Variants in NCAM2 observed in about 807,000 individuals in gnomAD.
NCAM2 encodes the protein neural cell adhesion molecule 2, also known as N-CAM-2.
NCAM2 carries 30 observed loss-of-function variants against 98.1 expected under a neutral mutation model. The ratio of observed to expected loss-of-function variants is 0.31; its 90% CI spans 0.23 to 0.41. NCAM2 has a LOEUF of 0.41. Among genes scored for constraint, NCAM2 ranks in the 10% least tolerant of loss-of-function variants. The pLI is 1.00. For missense variants in NCAM2, 867 were observed against 1,005.8 expected, an observed-to-expected ratio of 0.86 and a Z score of 1.87; for synonymous variants, 368 against 342.4, an observed-to-expected ratio of 1.07 and a Z score of -0.83.
rs2077365179 is a variant in NCAM2 at position 21,432,300 on chromosome 21, A to C, written c.1654+19A>C. ...GTTCAAAGTGAGTCAACAATTTCAA[A>C]ATGTGTTGGTTAATTCAAGCTGATC... On this transcript the variant is annotated intron_variant, in intron 12 of 17. Coordinates refer to ENST00000400546, the MANE Select transcript of NCAM2 (RefSeq NM_004540.5). 1.2e-6 allele frequency: 2 copies of C among 1,609,450 alleles called. No homozygotes were observed. The highest frequency in any genetic ancestry group is 1.7e-6 in the Non-Finnish European group (2 of 1,176,714).
chr21:21,115,274 C>T (rs1467445936), intron 1 of NCAM2, among the ~76,000 whole-genome samples: 2 of 152,118 alleles, frequency 1.3e-5, no homozygotes, highest in African/African-American at 2.4e-5. Flanking sequence ...TTTATCCAGC[C>T]TCTCCTTGTG....
intron 1 of NCAM2, among the ~76,000 whole-genome samples, chr21:21,081,598 C>T (rs187389777): frequency 2.6e-3 from 389 of 151,846 alleles, no homozygotes; most frequent in African/African-American, 9.0e-3. Context: ...GTCCGGAATT[C>T]GAGACCAGCC....
intron 12 of NCAM2, among the ~76,000 whole-genome samples, chr21:21,455,262 A>G (rs1282876818): frequency 1.3e-5 from 2 of 151,274 alleles, no homozygotes; most frequent in Admixed American, 6.6e-5. Flanking sequence ...ATGACTCAAT[A>G]CAGCCAGGAT....
chr21:21,051,469 T>G (rs2146295654), intron 1 of NCAM2, among the ~76,000 whole-genome samples: 1 of 152,348 alleles, frequency 6.6e-6, no homozygotes, highest in South Asian at 2.1e-4. Context: ...TAGTGGATGC[T>G]TAATTAAATG....
intron 1 of NCAM2, among the ~76,000 whole-genome samples, chr21:21,132,446 G>C (rs530020396): frequency 6.6e-6 from 1 of 151,264 alleles, no homozygotes; most frequent in South Asian, 2.1e-4. Context: ...GATTATAAAG[G>C]GAATACTTTG....
At chr21:21,115,009 C>T (rs1424915507) in intron 1 of NCAM2, among the ~76,000 whole-genome samples, 7 of 151,830 alleles carry the variant, frequency 4.6e-5, no homozygotes, top group African/African-American at 7.3e-5. Context: ...TTAGTAGAGA[C>T]GGGGTTTCAC....
chr21:21,239,449 A>C (rs2070979441), intron 1 of NCAM2: 1 of 152,182 alleles, frequency 6.6e-6, no homozygotes, highest in East Asian at 1.9e-4. Context: ...CATAAAAATT[A>C]TCTCCCTTTA....
chr21:21,432,398 G>A, intron 12 of NCAM2, 117 bp downstream of exon 12: 1 of 919,498 alleles, frequency 1.1e-6, no homozygotes, highest in South Asian at 1.8e-5. Flanking sequence ...AATGGTGTTG[G>A]GAAGATATTT....
At chr21:21,248,294 T>A (rs2071352966) in intron 1 of NCAM2, among the ~76,000 whole-genome samples, 1 of 152,154 alleles carries the variant, frequency 6.6e-6, no homozygotes, top group South Asian at 2.1e-4. Flanking sequence ...TCCAATCTAC[T>A]TTTCTTTCTA....
intron 1 of NCAM2, among the ~76,000 whole-genome samples, chr21:21,266,807 A>G (rs576636915): frequency 2.0e-5 from 3 of 152,284 alleles, no homozygotes; most frequent in East Asian, 3.9e-4. Flanking sequence ...CCAACATGGC[A>G]CATGTATACA....
At chr21:21,423,681 A>G (rs552366287) in intron 11 of NCAM2, among the ~76,000 whole-genome samples, 1 of 152,110 alleles carries the variant, frequency 6.6e-6, no homozygotes, top group East Asian at 1.9e-4. Context: ...ATTTTTTTTA[A>G]CCTCAGTTCA....
intron 1 of NCAM2, among the ~76,000 whole-genome samples, chr21:21,269,971 C>T (rs1172449534): frequency 3.3e-5 from 5 of 152,140 alleles, no homozygotes. Context: ...GGTTTCTACA[C>T]AAGGTTTATG....
intron 15 of NCAM2, among the ~76,000 whole-genome samples, chr21:21,483,322 GCATACATAATA>G (rs1248341653): frequency 6.6e-6 from 1 of 151,746 alleles, no homozygotes; most frequent in Non-Finnish European, 1.5e-5. Flanking sequence ...AACATGTAAT[GCATACATAATA>G]CATACAAAAT....
At chr21:21,501,567 T>C (rs955502156) in intron 15 of NCAM2, among the ~76,000 whole-genome samples, 5 of 151,886 alleles carry the variant, frequency 3.3e-5, no homozygotes, top group African/African-American at 1.2e-4. Context: ...TCTGCACTAT[T>C]TTATTAGACA....
At chr21:21,260,239 A>C (rs1264930443) in intron 1 of NCAM2, among the ~76,000 whole-genome samples, 1 of 152,030 alleles carries the variant, frequency 6.6e-6, no homozygotes, top group African/African-American at 2.4e-5. Context: ...CATTCCTGAG[A>C]TAGAAGAAAA....
intron 1 of NCAM2, among the ~76,000 whole-genome samples, chr21:21,093,585 G>A (rs1228663892): frequency 6.6e-6 from 1 of 151,980 alleles, no homozygotes; most frequent in Non-Finnish European, 1.5e-5. Context: ...CACAGGGTAA[G>A]CCACCATGCT....
chr21:21,354,688 A>C (rs2075424615), intron 8 of NCAM2, among the ~76,000 whole-genome samples: 1 of 152,198 alleles, frequency 6.6e-6, no homozygotes, highest in African/African-American at 2.4e-5. Context: ...AAGATGTTGT[A>C]ATTAGGATAG....
rs537616433 is a variant in NCAM2 at position 21,288,893 on chromosome 21, G to A, written c.481+2481G>A. ...CTATGCTTTTGATTGTAGCTGCGTGGCAGATATTCAGAATTAAACTTCCTG... is the reference window on the plus strand; with the variant it reads ...CTATGCTTTTGATTGTAGCTGCGTGACAGATATTCAGAATTAAACTTCCTG... On this transcript the variant is annotated intron_variant, in intron 4 of 17. Coordinates refer to ENST00000400546, the MANE Select transcript of NCAM2 (RefSeq NM_004540.5). Among the ~76,000 whole-genome samples, 21 of 151,990 alleles carry A rather than the reference G, an allele frequency of 1.4e-4. No homozygotes were observed. In the South Asian group the frequency reaches 2.7e-3, roughly 19 times the overall value.
At chr21:21,259,651 T>C (rs1195305206) in intron 1 of NCAM2, among the ~76,000 whole-genome samples, 9 of 152,106 alleles carry the variant, frequency 5.9e-5, no homozygotes, top group South Asian at 2.1e-4. Flanking sequence ...TGCTAGTTCA[T>C]GTGATAGGAT....
Sources: gnomAD v4.1 joint callset for allele counts (sites outside exome capture counted in the v4.1 genomes callset) on GRCh38, gnomAD v4.1.1 for gene constraint, MANE v1.5 for transcripts, NCBI Gene and HGNC (gene_info 2026-07-23, HGNC 2026-07-21) for gene names.